The following PDE4D variants were observed in gnomAD, a reference collection of about 807,000 sequenced individuals.
PDE4D encodes phosphodiesterase 4D.
PDE4D carries 24 observed loss-of-function variants against 87.4 expected under a neutral mutation model. The ratio of observed to expected loss-of-function variants is 0.27; its 90% confidence interval spans 0.20 to 0.39. The LOEUF (loss-of-function observed/expected upper bound fraction) is 0.39, where lower values mean the gene tolerates loss of function less well. Among genes scored for constraint, PDE4D ranks in the 10% least tolerant of loss-of-function variants. The pLI is 1.00. For synonymous variants in PDE4D, 384 were observed against 383.2 expected, an observed-to-expected ratio of 1.00 and a Z score of -0.02; for missense variants, 714 against 1,041.0, an observed-to-expected ratio of 0.69 and a Z score of 4.32.
chr5:59,831,312 T>A (rs1475962954), intron 1 of PDE4D, among the ~76,000 whole-genome samples: 2 of 102,756 alleles, frequency 1.9e-5, no homozygotes, highest in Admixed American at 1.1e-4. Context: ...GCCACAGAGG[T>A]CATAAATTAT....
intron 1 of PDE4D, among the ~76,000 whole-genome samples, chr5:59,287,430 A>G (rs1480054867): frequency 6.6e-6 from 1 of 151,722 alleles, no homozygotes; most frequent in Non-Finnish European, 1.5e-5. Context: ...AAGATTTCTG[A>G]CTCCAGGCCC....
intron 1 of PDE4D, among the ~76,000 whole-genome samples, chr5:60,323,297 G>T (rs1302939350): frequency 6.6e-6 from 1 of 152,102 alleles, no homozygotes; most frequent in Non-Finnish European, 1.5e-5. Context: ...ATCCAAAATT[G>T]AATTCAAAAT....
chr5:60,397,285 T>G (rs1278505115), intron 1 of PDE4D, among the ~76,000 whole-genome samples: 1 of 152,208 alleles, frequency 6.6e-6, no homozygotes, highest in Non-Finnish European at 1.5e-5. Flanking sequence ...AGGAATCCCA[T>G]GACTAGGTAG....
intron 1 of PDE4D, among the ~76,000 whole-genome samples, chr5:59,428,261 T>G (rs1051971844): frequency 6.6e-6 from 1 of 152,210 alleles, no homozygotes; most frequent in Non-Finnish European, 1.5e-5. Flanking sequence ...TTTGCACTTA[T>G]GCATTTGATT....
chr5:59,667,900 T>C (rs1746346088), intron 1 of PDE4D, among the ~76,000 whole-genome samples: 1 of 152,234 alleles, frequency 6.6e-6, no homozygotes, highest in East Asian at 1.9e-4. Flanking sequence ...ATCCTGTACC[T>C]GAGCTTAGCA....
intron 1 of PDE4D, among the ~76,000 whole-genome samples, chr5:59,882,469 G>A (rs1176581987): frequency 4.6e-5 from 7 of 152,096 alleles, no homozygotes; most frequent in African/African-American, 9.7e-5. Flanking sequence ...AGGTAATATT[G>A]TTATCATGAA....
intron 5 of PDE4D, among the ~76,000 whole-genome samples, chr5:59,100,852 T>A (rs1770616762): frequency 6.6e-6 from 1 of 152,176 alleles, no homozygotes; most frequent in Admixed American, 6.5e-5. Flanking sequence ...AAATCTAATA[T>A]CTCTCTTTTT....
At chr5:60,249,300 C>T (rs1240861940) in intron 1 of PDE4D, among the ~76,000 whole-genome samples, 1 of 152,030 alleles carries the variant, frequency 6.6e-6, no homozygotes, top group African/African-American at 2.4e-5. Context: ...TTCTATTAAA[C>T]ATTTAGGTAA....
At chr5:59,283,968 T>C (rs1456516088) in intron 1 of PDE4D, among the ~76,000 whole-genome samples, 3 of 152,136 alleles carry the variant, frequency 2.0e-5, no homozygotes, top group Non-Finnish European at 4.4e-5. Flanking sequence ...TACCTTCTTC[T>C]ACAAAATAAG....
At chr5:59,386,200 G>C (rs444552) in intron 1 of PDE4D, among the ~76,000 whole-genome samples, 1 of 151,802 alleles carries the variant, frequency 6.6e-6, no homozygotes, top group Non-Finnish European at 1.5e-5. Flanking sequence ...CATCTCTGTT[G>C]GCATGAATTA....
intron 1 of PDE4D, among the ~76,000 whole-genome samples, chr5:59,715,336 A>C (rs1754848018): frequency 6.6e-6 from 1 of 152,208 alleles, no homozygotes; most frequent in Non-Finnish European, 1.5e-5. Context: ...GCCTAAGGAC[A>C]TGGGGCCTGA....
chr5:59,570,258 A>C (rs894065194), intron 1 of PDE4D, among the ~76,000 whole-genome samples: 7 of 152,154 alleles, frequency 4.6e-5, no homozygotes, highest in Admixed American at 4.6e-4. Context: ...GGAAGAGAGT[A>C]CTCTTTAATC....
chr5:60,223,770 C>A (rs1055703232), intron 1 of PDE4D, among the ~76,000 whole-genome samples: 2 of 152,150 alleles, frequency 1.3e-5, no homozygotes, highest in African/African-American at 4.8e-5. Flanking sequence ...TCACAAGCTG[C>A]AAACTCAATT....
At chr5:59,402,215 C>A (rs1465284813) in intron 1 of PDE4D, among the ~76,000 whole-genome samples, 2 of 152,214 alleles carry the variant, frequency 1.3e-5, no homozygotes, top group South Asian at 4.1e-4. Flanking sequence ...TTCAAAAACT[C>A]ACTATTGTGA....
intron 1 of PDE4D, among the ~76,000 whole-genome samples, chr5:60,318,005 G>A (rs915221308): frequency 2.0e-5 from 3 of 152,162 alleles, no homozygotes; most frequent in Non-Finnish European, 4.4e-5. Flanking sequence ...TATTAGGTCT[G>A]CTTGGTGCAG....
chr5:59,784,515 C>T (rs2152633603), intron 1 of PDE4D, among the ~76,000 whole-genome samples: 1 of 152,168 alleles, frequency 6.6e-6, no homozygotes, highest in Non-Finnish European at 1.5e-5. Context: ...CCAGGCATTA[C>T]CTTTTGTATT....
chr5:59,200,181 ATATGTATACATACACGTG>A (rs1312160740), intron 2 of PDE4D, among the ~76,000 whole-genome samples: 1 of 73,606 alleles, frequency 1.4e-5, no homozygotes, highest in African/African-American at 3.7e-5. Flanking sequence ...GTGTATGTAT[ATATGTATACATACACGTG>A]TATGTATAGA....
At chr5:60,084,044 T>C (rs948366863) in intron 2 of PDE4D, among the ~76,000 whole-genome samples, 6 of 152,228 alleles carry the variant, frequency 3.9e-5, no homozygotes, top group Non-Finnish European at 7.3e-5. Context: ...CACTTTTTCA[T>C]ACATTATTGC....
chr5:59,320,449 A>G (rs879535167), intron 1 of PDE4D, among the ~76,000 whole-genome samples: 7 of 152,116 alleles, frequency 4.6e-5, no homozygotes, highest in Admixed American at 3.9e-4. Flanking sequence ...CATTTATGAG[A>G]AACCCATACA....
Sources: gnomAD v4.1 joint callset for allele counts (sites outside exome capture counted in the v4.1 genomes callset) on GRCh38, gnomAD v4.1.1 for gene constraint, MANE v1.5 for transcripts, NCBI Gene and HGNC (gene_info 2026-07-23, HGNC 2026-07-21) for gene names.